Variants in BRI3BP observed in about 807,000 individuals in gnomAD.
BRI3BP encodes BRI3 binding protein.
BRI3BP carries 7 observed loss-of-function variants against 15.8 expected under a neutral mutation model. That is an observed-to-expected ratio of 0.44 (90% CI 0.25 to 0.83). The LOEUF (loss-of-function observed/expected upper bound fraction) is 0.83. Ranked by LOEUF, BRI3BP falls within the 40% of genes least tolerant of loss-of-function variation. BRI3BP has a pLI of 0.20. For synonymous variants in BRI3BP, 192 were observed against 163.5 expected, an observed-to-expected ratio of 1.17 and a Z score of -1.33; for missense variants, 320 against 339.3, an observed-to-expected ratio of 0.94 and a Z score of 0.45.
chr12:125,009,430 C>T (rs1379716446), intron 1 of BRI3BP, among the ~76,000 whole-genome samples: 1 of 151,512 alleles, frequency 6.6e-6, no homozygotes, highest in African/African-American at 2.4e-5. Context: ...GCTGGGATTA[C>T]AGGCGTGCAC....
chr12:125,010,974 G>T (rs1771178362), intron 1 of BRI3BP, among the ~76,000 whole-genome samples: 1 of 151,108 alleles, frequency 6.6e-6, no homozygotes, highest in Non-Finnish European at 1.5e-5. Flanking sequence ...CGTGCCTGTA[G>T]TACCAGCTAC....
At chr12:125,048,819 C>G in the BRI3BP span, among the ~76,000 whole-genome samples, 27 of 152,042 alleles carry the variant, frequency 1.8e-4, no homozygotes, top group African/African-American at 6.0e-4. Context: ...TATCTCCGTT[C>G]TAGGAGCCTG....
intron 1 of BRI3BP, among the ~76,000 whole-genome samples, chr12:124,997,592 A>C (rs1594525245): frequency 6.6e-6 from 1 of 152,168 alleles, no homozygotes; most frequent in East Asian, 1.9e-4. Flanking sequence ...GTTGGGCTGC[A>C]CAATGCCAGG....
chr12:125,012,389 T>A, intron 1 of BRI3BP, 145 bp from the exon 2 acceptor site: 10 of 641,374 alleles, frequency 1.6e-5, no homozygotes, highest in East Asian at 2.9e-5. Context: ...GTCAATCCCC[T>A]GGGCCAGTAG....
chr12:125,036,494 T>A, the BRI3BP span, among the ~76,000 whole-genome samples: 2 of 152,154 alleles, frequency 1.3e-5, no homozygotes. Flanking sequence ...GTGGCTTCAA[T>A]GTAGATAATG....
Position 125,015,319 on chromosome 12 carries a change from T to A in BRI3BP, c.316+2683T>A, listed in dbSNP as rs115202076. ...TTGGACACAGAAACACCAAGAAACA[T>A]AGGGAGAAGACGGCCATGCGAAATG... is the stretch of plus-strand genomic sequence containing the variant. On this transcript the variant is annotated intron_variant, in intron 2 of 2. Coordinates refer to ENST00000341446, the MANE Select transcript of BRI3BP (RefSeq NM_080626.6). Among the ~76,000 whole-genome samples the A allele has an allele frequency of 4.0e-3, 606 of 151,590 alleles. 5 individuals carry two copies. Among genetic ancestry groups the A allele is most frequent in the African/African-American group, 0.014 (584 of 41,276 alleles).
chr12:125,018,513 T>C (rs991258693), intron 2 of BRI3BP, among the ~76,000 whole-genome samples: 2 of 151,550 alleles, frequency 1.3e-5, no homozygotes, highest in African/African-American at 4.9e-5. Flanking sequence ...GAGAGAGGAG[T>C]GTGTCTGGCA....
Position 124,994,016 on chromosome 12 carries a change from C to A in BRI3BP, c.213+13C>A. The stretch of plus-strand genomic sequence containing the variant: ...CGCCGCTCAGAAGGTGGGCGCCGGG[C>A]CCGCGCCCGCGGTCACCTTGCCCCG... On this transcript the variant is annotated intron_variant, in intron 1 of 2. Transcript: ENST00000341446. 1.5e-6 allele frequency: 2 copies of A among 1,317,080 alleles called. No individual in the cohort carries two copies. Among genetic ancestry groups the A allele is most frequent in the Non-Finnish European group, 2.0e-6 (2 of 1,020,234 alleles). The allele number at this position is 1,317,080 out of a possible 1,614,324, so 81.6% of individuals were successfully genotyped here. A position where few individuals can be genotyped will look rare whatever the true frequency, so the allele number is the denominator to read the frequency against.
At chr12:125,043,028 G>T in the BRI3BP span, among the ~76,000 whole-genome samples, 1 of 151,810 alleles carries the variant, frequency 6.6e-6, no homozygotes, top group South Asian at 2.1e-4. Flanking sequence ...GAATGAAGAT[G>T]TGCATTTATA....
At chr12:125,001,433 C>T (rs954172848) in intron 1 of BRI3BP, among the ~76,000 whole-genome samples, 8 of 152,176 alleles carry the variant, frequency 5.3e-5, no homozygotes, top group Non-Finnish European at 1.0e-4. Context: ...AGTCTCGGCT[C>T]GGTGCAACCT....
chr12:125,020,117 A>G (rs1955284119), intron 2 of BRI3BP, among the ~76,000 whole-genome samples: 1 of 151,040 alleles, frequency 6.6e-6, no homozygotes, highest in Non-Finnish European at 1.5e-5. Flanking sequence ...CTAATTTTGT[A>G]TTTTTTTTAA....
chr12:125,046,745 T>C, the BRI3BP span, among the ~76,000 whole-genome samples: 1 of 152,246 alleles, frequency 6.6e-6, no homozygotes, highest in African/African-American at 2.4e-5. Context: ...TTATCAGTCA[T>C]ACGTGCGTGT....
downstream of BRI3BP, among the ~76,000 whole-genome samples, chr12:125,032,074 G>T (rs570056471): frequency 1.3e-5 from 2 of 152,244 alleles, no homozygotes; most frequent in African/African-American, 4.8e-5. Flanking sequence ...TGGAGGACGT[G>T]CAGTAGGTAG....
the BRI3BP span, among the ~76,000 whole-genome samples, chr12:125,050,700 G>GA: frequency 6.6e-6 from 1 of 152,270 alleles, no homozygotes; most frequent in East Asian, 1.9e-4. Flanking sequence ...TTCAGATGAT[G>GA]AAAGTGCAAT....
At position 125,001,827 on chromosome 12, in the gene BRI3BP, AGTCAGTTTT is replaced by A. The variant is rs576214684; in HGVS notation, c.213+7825_213+7833del. ...CACAGTGCTGTACAGCTGTCACTAC[AGTCAGTTTT>A]AGAACATTTGCATTACCCCAAAAAG... On this transcript the variant is annotated intron_variant, in intron 1 of 2. Coordinates refer to ENST00000341446, the MANE Select transcript of BRI3BP (RefSeq NM_080626.6). Among the ~76,000 whole-genome samples the A allele has an allele frequency of 3.1e-4, 47 of 152,256 alleles. 1 individual carries two copies. The highest frequency in any genetic ancestry group is 1.1e-3 in the African/African-American group (46 of 41,556).
At chr12:125,000,315 T>C (rs1565901614) in intron 1 of BRI3BP, among the ~76,000 whole-genome samples, 1 of 138,896 alleles carries the variant, frequency 7.2e-6, no homozygotes, top group Non-Finnish European at 1.6e-5. Context: ...ATGATTTTTT[T>C]TTTTTTTTTT....
At chr12:125,009,589 CTA>C (rs1955178974) in intron 1 of BRI3BP, among the ~76,000 whole-genome samples, 1 of 147,886 alleles carries the variant, frequency 6.8e-6, no homozygotes. Flanking sequence ...CAGGCACAGC[CTA>C]TAATGTTTTC....
At chr12:125,049,288 T>A in the BRI3BP span, among the ~76,000 whole-genome samples, 1 of 152,192 alleles carries the variant, frequency 6.6e-6, no homozygotes, top group African/African-American at 2.4e-5. Flanking sequence ...TCTGTGGTCC[T>A]TTTATTATCT....
intron 2 of BRI3BP, among the ~76,000 whole-genome samples, chr12:125,018,324 C>G (rs115006140): frequency 1.6e-4 from 25 of 152,114 alleles, no homozygotes; most frequent in Non-Finnish European, 7.3e-5. Flanking sequence ...AAGTCCTAAC[C>G]CCCAGAGCCT....
Sources: gnomAD v4.1 joint callset for allele counts (sites outside exome capture counted in the v4.1 genomes callset) on GRCh38, gnomAD v4.1.1 for gene constraint, MANE v1.5 for transcripts, NCBI Gene and HGNC (gene_info 2026-07-23, HGNC 2026-07-21) for gene names.